AKT1: variants seen among roughly 807,000 people sequenced by gnomAD.
The protein encoded by AKT1 is AKT serine/threonine kinase 1.
In AKT1, 21 loss-of-function variants were observed where a neutral mutation model predicts 63.1. The ratio of observed to expected loss-of-function variants is 0.33; its 90% CI spans 0.24 to 0.48. The LOEUF (loss-of-function observed/expected upper bound fraction) is 0.48, where lower values mean the gene tolerates loss of function less well. Among genes scored for constraint, AKT1 ranks in the 20% least tolerant of loss-of-function variants. The pLI, the probability that AKT1 is intolerant of heterozygous loss-of-function variation, is 0.99. For missense variants in AKT1, 382 were observed against 666.0 expected (o/e 0.57, Z 4.69); for synonymous variants, 257 against 253.1 (o/e 1.02, Z -0.15).
chr14:104,785,730 A>G (rs1359281944), intron 3 of AKT1, among the ~76,000 whole-genome samples: 1 of 151,332 alleles, frequency 6.6e-6, no homozygotes, highest in Non-Finnish European at 1.5e-5. Flanking sequence ...CAAATTCTTC[A>G]CCTCCTTCCG....
At position 104,780,839 on chromosome 14, in the gene AKT1, C is replaced by T. The variant is rs1042002679; in HGVS notation, c.47-623G>A. Among the ~76,000 whole-genome samples the T allele has an allele frequency of 5.9e-5, 9 of 152,210 alleles. No individual in the cohort carries two copies. The East Asian group carries it at 1.7e-3, about 29-fold the overall frequency. On this transcript the variant is annotated intron_variant, in intron 3 of 14. Transcript: ENST00000649815. ...CTGCCCACTGCCGTGGGATCGCACT[C>T]CCTGTCTAGGGGCCTGGAGCACCGT...
At chr14:104,774,655 A>G (rs1242472693) in intron 8 of AKT1, 2 of 476,040 alleles carry the variant, frequency 4.2e-6, no homozygotes, top group African/African-American at 2.0e-5. Flanking sequence ...GCTGCAGGGC[A>G]TGGGGAGCTG....
chr14:104,781,210 A>C (rs36214560), intron 3 of AKT1, among the ~76,000 whole-genome samples: 2 of 151,570 alleles, frequency 1.3e-5, no homozygotes, highest in South Asian at 4.2e-4. Flanking sequence ...TAATTAGGCA[A>C]CTGCTTCATC....
At chr14:104,770,917 C>A (rs540900119) in intron 13 of AKT1, 70 bp from the exon 14 acceptor site, 149 of 1,383,320 alleles carry the variant, frequency 1.1e-4, no homozygotes, top group Non-Finnish European at 1.4e-4. Flanking sequence ...CAAGTGTGCT[C>A]AAGACCTTCA....
At position 104,788,402 on chromosome 14, in the gene AKT1, C is replaced by T. The variant is rs368520412; in HGVS notation, c.46+4196G>A. Among the ~76,000 whole-genome samples the T allele has an allele frequency of 7.2e-5, 11 of 152,330 alleles. No homozygotes were observed. The East Asian group carries it at 7.7e-4, about 11-fold the overall frequency. ...CCTCCATCTGCACACAAACAATTAG[C>T]CCTGCGGGGCCCTCCGCAGCAGCTG... On this transcript the variant is annotated intron_variant, in intron 3 of 14. Transcript: ENST00000649815.
At position 104,795,044 on chromosome 14, in the gene AKT1, C is replaced by T. The variant is rs1566828023; in HGVS notation, c.-258+440G>A. 2 of 152,232 alleles carry T rather than the reference C, an allele frequency of 1.3e-5. No individual in the cohort carries two copies. Among genetic ancestry groups the T allele is most frequent in the Non-Finnish European group, 2.9e-5 (2 of 68,038 alleles). The allele number at this position is 152,232 out of a possible 1,614,324, so 9.4% of individuals were successfully genotyped here. A position where few individuals can be genotyped will look rare whatever the true frequency, so the allele number is the denominator to read the frequency against. On this transcript the variant is annotated intron_variant, in intron 1 of 14. Coordinates refer to ENST00000649815, the MANE Select transcript of AKT1 (RefSeq NM_001382430.1). The surrounding 1 kb of genome is among the most constrained non-coding windows in gnomAD (Gnocchi z 5.1). ...GTCCGTGGGAAACGAAGTCTCCTTC[C>T]GGGGCCCTCCCACAAACTTGAAGGC...
At chr14:104,777,021 C>A (rs2140932707) in intron 4 of AKT1, 2 of 476,462 alleles carry the variant, frequency 4.2e-6, no homozygotes, top group South Asian at 2.3e-5. Flanking sequence ...TCAGGTCAAA[C>A]CCCCACCATC....
chr14:104,769,523 G>A lies in AKT1; in HGVS notation c.*818C>T, dbSNP rs3803305. 5.0e-3 allele frequency: 2,687 copies of A among 533,148 alleles called. 34 individuals are homozygous for A. The highest frequency in any genetic ancestry group is 0.025 in the South Asian group (1,624 of 65,032). The allele number at this position is 533,148 out of a possible 1,614,324, so 33.0% of individuals were successfully genotyped here. A position where few individuals can be genotyped will look rare whatever the true frequency, so the allele number is the denominator to read the frequency against. On this transcript the variant is annotated 3_prime_UTR_variant, in exon 15 of 15. Transcript: ENST00000649815. ...ATGGCCACCCCCACAGGGAGTCAGG[G>A]AGGGCCTGGGGCGACAGCGGAAAGG...
Position 104,772,374 on chromosome 14 carries a change from G to C in AKT1, c.1251C>G (p.Tyr417Ter). Reference protein sequence around the residue: ...FFAGIVWQHVYEKKLSPPFKP... With the variant: ...FFAGIVWQHV ...CGGGGAGCAGCCGCACCTTCTTCTC[G>C]TACACGTGCTGCCACACGATACCGG... The change falls in exon 13 of 15, where the codon TAC (tyrosine) becomes TAG (stop). Residue 417 changes from tyrosine to a stop codon, truncating the protein, a stop_gained. Transcript: ENST00000649815. LOFTEE classifies it high-confidence loss of function. 1.2e-6 allele frequency: 2 copies of C among 1,613,838 alleles called. No individual in the cohort carries two copies. Among genetic ancestry groups the C allele is most frequent in the Non-Finnish European group, 1.7e-6 (2 of 1,180,004 alleles).
chr14:104,774,152 A>G, intron 8 of AKT1, 172 bp from the exon 9 acceptor site: 2 of 601,708 alleles, frequency 3.3e-6, no homozygotes, highest in East Asian at 3.0e-5. Context: ...CCGATACCAC[A>G]CTGCCCCACA....
At chr14:104,788,411 G>A (rs1194242096) in intron 3 of AKT1, among the ~76,000 whole-genome samples, 1 of 152,192 alleles carries the variant, frequency 6.6e-6, no homozygotes, top group Non-Finnish European at 1.5e-5. Flanking sequence ...GCCCTGCGGG[G>A]CCCTCCGCAG....
chr14:104,777,207 C>T (rs1010816503), intron 4 of AKT1: 1 of 214,900 alleles, frequency 4.7e-6, no homozygotes, highest in East Asian at 1.7e-4. Context: ...CCCTGAGTAC[C>T]TGGGAAATAC....
At chr14:104,784,369 G>C (rs1337711611) in intron 3 of AKT1, among the ~76,000 whole-genome samples, 1 of 152,148 alleles carries the variant, frequency 6.6e-6, no homozygotes. Flanking sequence ...CCTCGGTGGG[G>C]GGTAGGCAGT....
intron 4 of AKT1, chr14:104,777,787 C>G: frequency 2.0e-6 from 2 of 980,260 alleles, no homozygotes; most frequent in Non-Finnish European, 2.4e-6. Flanking sequence ...GGCCAGGCAG[C>G]AAGGAAGCTG....
chr14:104,777,200 T>C, intron 4 of AKT1: 1 of 200,096 alleles, frequency 5.0e-6, no homozygotes, highest in Non-Finnish European at 1.0e-5. Context: ...AACCTCACCC[T>C]GAGTACCTGG....
intron 4 of AKT1, 57 bp downstream of exon 4, chr14:104,780,031 A>G (rs2140947868): frequency 6.3e-7 from 1 of 1,591,304 alleles, no homozygotes; most frequent in South Asian, 1.1e-5. Context: ...TGGTGGGCAA[A>G]GAGGGCTCCA....
In AKT1 at chr14:104,780,395, G is replaced by A. The variant is rs545944298; in HGVS notation, c.47-179C>T. Among the ~76,000 whole-genome samples, 6 of 152,322 alleles carry A rather than the reference G, an allele frequency of 3.9e-5. No homozygotes were observed. The South Asian group carries it at 6.2e-4, about 16-fold the overall frequency. On this transcript the variant is annotated intron_variant, in intron 3 of 14. Coordinates refer to ENST00000649815, the MANE Select transcript of AKT1 (RefSeq NM_001382430.1). Reference sequence around the variant, plus strand: ...GCGACAGAAACGGCCCTGGGTCAACGGGAAGGCAGACTCGCCCCACCACAG... The same window carrying A: ...GCGACAGAAACGGCCCTGGGTCAACAGGAAGGCAGACTCGCCCCACCACAG...
chr14:104,770,673 A>C lies in AKT1; in HGVS notation c.1363+72T>G, dbSNP rs567110708. 110 of 1,401,700 alleles carry C rather than the reference A, an allele frequency of 7.8e-5. No individual in the cohort carries two copies. In the African/African-American group the frequency reaches 1.5e-3, roughly 19 times the overall value. The allele number at this position is 1,401,700 out of a possible 1,614,324, so 86.8% of individuals were successfully genotyped here. On this transcript the variant is annotated intron_variant, in intron 14 of 14. Transcript: ENST00000649815. ...ATTTTAAAACATCTGAAGCCAAAAA[A>C]GCTGAACACTGCAGGCCTCTCTGAG...
chr14:104,771,804 G>A (rs185374680), intron 13 of AKT1: 4 of 238,380 alleles, frequency 1.7e-5, no homozygotes, highest in Admixed American at 1.1e-4. Context: ...GATGGCCAGG[G>A]CTCCTAGGGT....
Sources: gnomAD v4.1 joint callset for allele counts (sites outside exome capture counted in the v4.1 genomes callset) on GRCh38, gnomAD v4.1.1 for gene constraint, Gnocchi (gnomAD v3.1) non-coding constraint, MANE v1.5 for transcripts, NCBI Gene and HGNC (gene_info 2026-07-23, HGNC 2026-07-21) for gene names.